Variants in HS3ST4 observed in about 807,000 individuals in gnomAD.
HS3ST4 encodes heparan sulfate glucosamine 3-O-sulfotransferase 4.
In HS3ST4, 17 loss-of-function variants were observed where a neutral mutation model predicts 29.2. The observed-to-expected ratio is 0.58, with a 90% CI of 0.40 to 0.87. The LOEUF is 0.87. HS3ST4 is among the 40% of genes least tolerant of loss of function. The probability of loss-of-function intolerance (pLI) is 0.00; values close to 1 mark genes in which losing one functional copy is unlikely to be tolerated. For missense variants in HS3ST4, 627 were observed against 634.5 expected (o/e 0.99, Z 0.13); for synonymous variants, 314 against 285.7 (o/e 1.10, Z -1.00).
intron 1 of HS3ST4, among the ~76,000 whole-genome samples, chr16:25,693,668 G>T (rs1303313051): frequency 6.6e-6 from 1 of 152,184 alleles, no homozygotes; most frequent in African/African-American, 2.4e-5. Flanking sequence ...CAGTTACAAA[G>T]ATCATGCTGG....
chr16:25,891,695 T>G (rs2141669083), intron 1 of HS3ST4, among the ~76,000 whole-genome samples: 1 of 152,316 alleles, frequency 6.6e-6, no homozygotes, highest in East Asian at 1.9e-4. Flanking sequence ...GATGTTAAAA[T>G]GATGTTGTAA....
chr16:26,019,145 C>A (rs1464054191), intron 1 of HS3ST4, among the ~76,000 whole-genome samples: 2 of 152,082 alleles, frequency 1.3e-5, no homozygotes. Context: ...CTCTCATCTG[C>A]TACCCCCCGA....
In HS3ST4 at chr16:26,054,269, GGAGAGA is replaced by G. The variant is rs58364733; in HGVS notation, c.735-81318_735-81313del. 5.6e-3 allele frequency among the ~76,000 whole-genome samples: 750 copies of G among 133,736 alleles called. 7 individuals are homozygous for G. Among genetic ancestry groups the G allele is most frequent in the African/African-American group, 0.02 (697 of 35,058 alleles). 87.7% of individuals were successfully genotyped at this position (133,736 alleles called of 152,430 possible). A position where few individuals can be genotyped will look rare whatever the true frequency, so the allele number is the denominator to read the frequency against. On this transcript the variant is annotated intron_variant, in intron 1 of 1. Coordinates refer to ENST00000331351, the MANE Select transcript of HS3ST4 (RefSeq NM_006040.3). ...GAAGGAGAGAGAGAGACAGAGAGAG[GGAGAGA>G]GAGAGAGAGAGAGAGAGAGAGAGAA...
At chr16:26,063,269 C>A (rs1389740139) in intron 1 of HS3ST4, among the ~76,000 whole-genome samples, 1 of 152,108 alleles carries the variant, frequency 6.6e-6, no homozygotes, top group Non-Finnish European at 1.5e-5. Context: ...GCATTTCTAT[C>A]ATCCCCAACA....
intron 1 of HS3ST4, among the ~76,000 whole-genome samples, chr16:26,018,859 CA>C (rs1283817822): frequency 2.0e-5 from 3 of 150,760 alleles, no homozygotes; most frequent in Non-Finnish European, 4.4e-5. Flanking sequence ...CACTACCAAA[CA>C]AAACAAAACA....
rs149459171 is a variant in HS3ST4 at position 26,035,638 on chromosome 16, T to G, written c.735-99974T>G. Among the ~76,000 whole-genome samples, 1,155 of 152,346 alleles carry G rather than the reference T, an allele frequency of 7.6e-3. 7 individuals are homozygous for G. Among genetic ancestry groups the G allele is most frequent in the Non-Finnish European group, 9.6e-3 (654 of 68,038 alleles). On this transcript the variant is annotated intron_variant, in intron 1 of 1. Coordinates refer to ENST00000331351, the MANE Select transcript of HS3ST4 (RefSeq NM_006040.3). ...AGTCACTTGAGTCTGTCTACTTCTCTTCTATCTCCTGCCAATACCCTAGTT... is the reference window on the plus strand; with the variant it reads ...AGTCACTTGAGTCTGTCTACTTCTCGTCTATCTCCTGCCAATACCCTAGTT...
At chr16:25,883,724 C>T (rs1464528416) in intron 1 of HS3ST4, among the ~76,000 whole-genome samples, 1 of 152,118 alleles carries the variant, frequency 6.6e-6, no homozygotes, top group African/African-American at 2.4e-5. Flanking sequence ...CACAGCAATC[C>T]TATAAAATAA....
chr16:25,871,066 A>G (rs1235170367), intron 1 of HS3ST4, among the ~76,000 whole-genome samples: 1 of 152,202 alleles, frequency 6.6e-6, no homozygotes, highest in Non-Finnish European at 1.5e-5. Flanking sequence ...GCCCAAGAGT[A>G]TGTTAGTTTG....
At chr16:25,921,520 G>A (rs552558107) in intron 1 of HS3ST4, among the ~76,000 whole-genome samples, 21 of 152,300 alleles carry the variant, frequency 1.4e-4, no homozygotes, top group African/African-American at 5.1e-4. Flanking sequence ...GGGGAGAATG[G>A]TGAGGAAATG....
intron 1 of HS3ST4, among the ~76,000 whole-genome samples, chr16:25,835,000 A>G (rs1365970743): frequency 1.3e-5 from 2 of 152,132 alleles, no homozygotes; most frequent in African/African-American, 2.4e-5. Context: ...CCAACCAACC[A>G]AAGAAAAAAA....
At chr16:26,018,734 C>T (rs1187068753) in intron 1 of HS3ST4, among the ~76,000 whole-genome samples, 1 of 151,910 alleles carries the variant, frequency 6.6e-6, no homozygotes, top group South Asian at 2.1e-4. Flanking sequence ...CTCACAACAT[C>T]GTGTTTGGCT....
At chr16:25,848,881 A>G (rs1234797030) in intron 1 of HS3ST4, among the ~76,000 whole-genome samples, 1 of 151,268 alleles carries the variant, frequency 6.6e-6, no homozygotes, top group Non-Finnish European at 1.5e-5. Flanking sequence ...ATTTATTTTC[A>G]GTCTTCCTTG....
At chr16:25,796,844 G>T (rs138965604) in intron 1 of HS3ST4, among the ~76,000 whole-genome samples, 1 of 152,306 alleles carries the variant, frequency 6.6e-6, no homozygotes, top group Non-Finnish European at 1.5e-5. Context: ...TAGAAAATGG[G>T]AGGTAACTTT....
chr16:25,742,297 A>T (rs115237195), intron 1 of HS3ST4, among the ~76,000 whole-genome samples: 305 of 152,258 alleles, frequency 2.0e-3, no homozygotes, highest in African/African-American at 7.1e-3. Context: ...TCATCTTACT[A>T]GCTTAGGTAC....
intron 1 of HS3ST4, among the ~76,000 whole-genome samples, chr16:26,022,680 CTT>C (rs34741128): frequency 4.9e-5 from 7 of 142,680 alleles, no homozygotes; most frequent in Admixed American, 2.1e-4. Context: ...AATTTTCTTC[CTT>C]TTTTTTTTTT....
intron 1 of HS3ST4, among the ~76,000 whole-genome samples, chr16:25,828,337 T>TTTCTCC (rs1967257089): frequency 7.3e-6 from 1 of 136,832 alleles, no homozygotes. Context: ...TCTCTCTCTC[T>TTTCTCC]CTTTCTCCCT....
intron 1 of HS3ST4, among the ~76,000 whole-genome samples, chr16:26,079,211 G>A (rs796223018): frequency 1.4e-4 from 21 of 152,304 alleles, no homozygotes; most frequent in African/African-American, 4.8e-4. Flanking sequence ...TAAACGAGCT[G>A]CCTCTGCACG....
chr16:25,773,747 A>G (rs1596566492), intron 1 of HS3ST4, among the ~76,000 whole-genome samples: 1 of 152,362 alleles, frequency 6.6e-6, no homozygotes, highest in East Asian at 1.9e-4. Context: ...TACTTGTCAC[A>G]GAATATTGTA....
At chr16:25,906,763 C>G (rs776398490) in intron 1 of HS3ST4, among the ~76,000 whole-genome samples, 15 of 151,980 alleles carry the variant, frequency 9.9e-5, no homozygotes, top group Non-Finnish European at 2.1e-4. Flanking sequence ...CATGTATATG[C>G]CAACGTGGCT....
Sources: allele counts gnomAD v4.1 joint callset (sites outside exome capture counted in the v4.1 genomes callset), GRCh38; gene constraint gnomAD v4.1.1; transcripts MANE v1.5; gene names NCBI Gene and HGNC (gene_info 2026-07-23, HGNC 2026-07-21).